The following ADGRL3 variants were observed in gnomAD, a reference collection of about 807,000 sequenced individuals.
ADGRL3 encodes the protein calcium-independent alpha-latrotoxin receptor 3.
Under a neutral mutation model 153.5 loss-of-function variants are expected in ADGRL3, and 62 were observed. The observed-to-expected ratio is 0.40, with a 90% CI of 0.33 to 0.50. The LOEUF is 0.50. Among genes scored for constraint, ADGRL3 ranks in the 20% least tolerant of loss-of-function variants. ADGRL3 has a pLI of 0.47. For synonymous variants in ADGRL3, 710 were observed against 672.5 expected (o/e 1.06, Z -0.86); for missense variants, 1,641 against 1,859.4 (o/e 0.88, Z 2.16).
At chr4:61,431,458 A>G (rs2097354861) in intron 2 of ADGRL3, among the ~76,000 whole-genome samples, 1 of 152,174 alleles carries the variant, frequency 6.6e-6, no homozygotes, top group Non-Finnish European at 1.5e-5. Context: ...TCTTTTAAAG[A>G]GTGATCAGTT....
intron 9 of ADGRL3, among the ~76,000 whole-genome samples, chr4:61,844,487 C>T (rs1317753845): frequency 7.6e-6 from 1 of 131,426 alleles, no homozygotes. Flanking sequence ...GCGGAGGTTC[C>T]AGTGAGCCAA....
At chr4:61,257,277 A>G (rs574414170) in intron 1 of ADGRL3, among the ~76,000 whole-genome samples, 1 of 152,324 alleles carries the variant, frequency 6.6e-6, no homozygotes, top group African/African-American at 2.4e-5. Flanking sequence ...TCACAATGTC[A>G]AGAAACTGAT....
chr4:61,486,181 T>A (rs1045381483), intron 2 of ADGRL3, among the ~76,000 whole-genome samples: 1 of 152,066 alleles, frequency 6.6e-6, no homozygotes, highest in Non-Finnish European at 1.5e-5. Context: ...CCTGACCTCA[T>A]GATCTGCCCA....
chr4:61,422,234 G>A (rs1351129615), intron 2 of ADGRL3, among the ~76,000 whole-genome samples: 2 of 152,112 alleles, frequency 1.3e-5, no homozygotes, highest in Non-Finnish European at 1.5e-5. Flanking sequence ...AAGCCTCAGA[G>A]TTAAAATGGG....
intron 5 of ADGRL3, among the ~76,000 whole-genome samples, chr4:61,649,840 T>C (rs1475352634): frequency 6.6e-6 from 1 of 152,156 alleles, no homozygotes; most frequent in Non-Finnish European, 1.5e-5. Context: ...TGCAAAAATG[T>C]GTGTGTATAA....
At chr4:61,614,082 C>A (rs184817624) in intron 5 of ADGRL3, among the ~76,000 whole-genome samples, 53 of 152,052 alleles carry the variant, frequency 3.5e-4, no homozygotes, top group African/African-American at 1.3e-3. Flanking sequence ...AATACAATAT[C>A]TATAGCTCAA....
At chr4:61,211,712 A>C (rs1276516557) in intron 1 of ADGRL3, 1 of 152,188 alleles carries the variant, frequency 6.6e-6, no homozygotes, top group East Asian at 1.9e-4. Context: ...AAGGGGTTCA[A>C]ATCTTCAGGT....
At chr4:61,240,549 T>G (rs2149317049) in intron 1 of ADGRL3, among the ~76,000 whole-genome samples, 1 of 152,288 alleles carries the variant, frequency 6.6e-6, no homozygotes, top group Non-Finnish European at 1.5e-5. Flanking sequence ...TGTAGATGTC[T>G]TTATCTGTAA....
intron 1 of ADGRL3, among the ~76,000 whole-genome samples, chr4:61,367,246 T>A (rs960849014): frequency 2.5e-4 from 38 of 152,056 alleles, no homozygotes; most frequent in South Asian, 2.1e-4. Context: ...TTTATTTTTT[T>A]ATTATTATAC....
chr4:61,353,879 GA>G lies in ADGRL3; in HGVS notation c.-239-29243del, dbSNP rs1354750282. On this transcript the variant is annotated intron_variant, in intron 1 of 26. Transcript: ENST00000683033. ...ATTTTTCTCTCCACTTTTCTAATTTGAATTTTTTAAGTAATAAAATTTACCA... is the reference window on the plus strand; with the variant it reads ...ATTTTTCTCTCCACTTTTCTAATTTGATTTTTTAAGTAATAAAATTTACCA... Among the ~76,000 whole-genome samples, 4 of 151,766 alleles carry G rather than the reference GA, an allele frequency of 2.6e-5. No individual in the cohort carries two copies. In the East Asian group the frequency reaches 7.7e-4, roughly 29 times the overall value.
At chr4:61,887,512 T>G (rs897377638) in intron 9 of ADGRL3, among the ~76,000 whole-genome samples, 2 of 152,254 alleles carry the variant, frequency 1.3e-5, no homozygotes, top group Non-Finnish European at 2.9e-5. Context: ...CTCTACACAT[T>G]TTTTTGGTCT....
At chr4:61,567,516 C>T (rs1263373406) in intron 4 of ADGRL3, among the ~76,000 whole-genome samples, 1 of 152,110 alleles carries the variant, frequency 6.6e-6, no homozygotes, top group Non-Finnish European at 1.5e-5. Flanking sequence ...TAGAAGATGC[C>T]GTCTATGAGG....
rs181972651 is a variant in ADGRL3 at position 61,325,625 on chromosome 4, G to T, written c.-239-57499G>T. 2.2e-3 allele frequency among the ~76,000 whole-genome samples: 340 copies of T among 152,236 alleles called. 7 individuals are homozygous for T. Among genetic ancestry groups the T allele is most frequent in the Non-Finnish European group, 5.3e-4 (36 of 68,018 alleles). On this transcript the variant is annotated intron_variant, in intron 1 of 26. Transcript: ENST00000683033. ...GGGACAGGGTAACAGAAGAGAAAAA[G>T]TTCTGCCCCTGTGCATCCTATAGTC...
intron 1 of ADGRL3, among the ~76,000 whole-genome samples, chr4:61,279,813 C>T (rs887543910): frequency 2.8e-4 from 43 of 152,142 alleles, no homozygotes; most frequent in Middle Eastern, 3.4e-3. Flanking sequence ...ATATCAAGTG[C>T]GTTATTCTTA....
intron 13 of ADGRL3, among the ~76,000 whole-genome samples, chr4:61,925,083 T>A (rs2150028402): frequency 6.6e-6 from 1 of 152,328 alleles, no homozygotes; most frequent in East Asian, 1.9e-4. Context: ...TTGTACTGAT[T>A]GCCCCTCAAA....
At chr4:61,364,331 C>CAAAA (rs33966342) in intron 1 of ADGRL3, among the ~76,000 whole-genome samples, 1 of 128,140 alleles carries the variant, frequency 7.8e-6, no homozygotes, top group Non-Finnish European at 1.6e-5. Context: ...GACTCCGTCT[C>CAAAA]AAAAAAAAAA....
intron 1 of ADGRL3, among the ~76,000 whole-genome samples, chr4:61,250,553 CTTCT>C (rs1449282251): frequency 2.0e-5 from 3 of 152,160 alleles, no homozygotes; most frequent in African/African-American, 4.8e-5. Context: ...AAGATACTGA[CTTCT>C]TTGTTTTTCT....
chr4:61,695,892 G>A (rs1451071376), intron 6 of ADGRL3, among the ~76,000 whole-genome samples: 2 of 152,110 alleles, frequency 1.3e-5, no homozygotes, highest in Non-Finnish European at 2.9e-5. Context: ...TTATGGAGAT[G>A]GCCTCTTTCC....
At chr4:61,246,417 C>T (rs2149384362) in intron 1 of ADGRL3, among the ~76,000 whole-genome samples, 1 of 151,996 alleles carries the variant, frequency 6.6e-6, no homozygotes, top group East Asian at 1.9e-4. Context: ...TGCTATGTTG[C>T]TGTATATTAG....
Sources: allele counts gnomAD v4.1 joint callset (sites outside exome capture counted in the v4.1 genomes callset), GRCh38; gene constraint gnomAD v4.1.1; transcripts MANE v1.5; gene names NCBI Gene and HGNC (gene_info 2026-07-23, HGNC 2026-07-21).